CEP112: variants seen among roughly 807,000 people sequenced by gnomAD.
CEP112 encodes centrosomal protein 112.
Under a neutral mutation model 153.0 loss-of-function variants are expected in CEP112, and 127 were observed. The observed-to-expected ratio is 0.83, with a 90% CI of 0.72 to 0.96. CEP112 has a LOEUF of 0.96. Ranked by LOEUF, CEP112 falls within the 40% of genes least tolerant of loss-of-function variation. The pLI, the probability that CEP112 is intolerant of heterozygous loss-of-function variation, is 0.00. For missense variants in CEP112, 1,089 were observed against 1,101.2 expected (o/e 0.99, Z 0.16); for synonymous variants, 358 against 374.4 (o/e 0.96, Z 0.51).
At chr17:65,640,919 AGT>A (rs2045097159) in intron 25 of CEP112, 43 bp downstream of exon 25, 2 of 1,043,848 alleles carry the variant, frequency 1.9e-6, no homozygotes, top group Non-Finnish European at 3.0e-6. Context: ...TTCTTTTCAG[AGT>A]ATCCCCTAAA....
At chr17:65,645,422 C>A in intron 24 of CEP112, among the ~76,000 whole-genome samples, 1 of 152,064 alleles carries the variant, frequency 6.6e-6, no homozygotes, top group East Asian at 1.9e-4. Flanking sequence ...GTATAATAGC[C>A]TCTAGCCTAA....
intron 17 of CEP112, among the ~76,000 whole-genome samples, chr17:65,962,533 T>C (rs1258202018): frequency 6.6e-6 from 1 of 152,240 alleles, no homozygotes; most frequent in African/African-American, 2.4e-5. Context: ...TATAAATGCA[T>C]GCCATTTAAC....
At chr17:65,669,091 T>C (rs1211679816) in intron 24 of CEP112, among the ~76,000 whole-genome samples, 1 of 152,218 alleles carries the variant, frequency 6.6e-6, no homozygotes, top group Non-Finnish European at 1.5e-5. Flanking sequence ...AGTTCAGTTT[T>C]CGGCAGGTGG....
intron 24 of CEP112, among the ~76,000 whole-genome samples, chr17:65,659,430 C>T (rs537195381): frequency 2.6e-5 from 4 of 152,266 alleles, no homozygotes; most frequent in African/African-American, 9.6e-5. Context: ...GCATGTCTTG[C>T]CAGATATGGT....
intron 17 of CEP112, among the ~76,000 whole-genome samples, chr17:65,984,278 G>A (rs1281439800): frequency 1.3e-5 from 2 of 152,238 alleles, no homozygotes; most frequent in African/African-American, 2.4e-5. Context: ...AGGCAGTTGT[G>A]ACTTCTAATA....
At chr17:65,702,362 T>C (rs1163477812) in intron 23 of CEP112, among the ~76,000 whole-genome samples, 1 of 152,144 alleles carries the variant, frequency 6.6e-6, no homozygotes, top group South Asian at 2.1e-4. Context: ...CTTCCTAAAC[T>C]AGCTTCATGT....
intron 24 of CEP112, among the ~76,000 whole-genome samples, chr17:65,664,763 T>A (rs2046603112): frequency 6.6e-6 from 1 of 152,254 alleles, no homozygotes; most frequent in Non-Finnish European, 1.5e-5. Flanking sequence ...CTATCTCTGT[T>A]ACCTTTGGTT....
chr17:65,999,639 G>A (rs972316330), intron 17 of CEP112, among the ~76,000 whole-genome samples: 50 of 151,816 alleles, frequency 3.3e-4, no homozygotes, highest in Non-Finnish European at 8.8e-5. Context: ...GTGTCATGGG[G>A]TTTGTTGTAC....
intron 25 of CEP112, among the ~76,000 whole-genome samples, 169 bp from the exon 26 acceptor site, chr17:65,637,357 AT>A (rs1380619037): frequency 6.6e-6 from 1 of 152,242 alleles, no homozygotes; most frequent in Non-Finnish European, 1.5e-5. Flanking sequence ...TCCCATCCTT[AT>A]TGAAAATCCA....
chr17:65,725,755 A>G (rs183086536), intron 23 of CEP112, among the ~76,000 whole-genome samples: 1 of 152,120 alleles, frequency 6.6e-6, no homozygotes, highest in Admixed American at 6.5e-5. Flanking sequence ...AAAAACGGAA[A>G]CCCCTGATAA....
intron 24 of CEP112, among the ~76,000 whole-genome samples, chr17:65,642,061 A>G (rs1481955779): frequency 6.6e-6 from 1 of 152,232 alleles, no homozygotes; most frequent in Non-Finnish European, 1.5e-5. Flanking sequence ...GGTAGAAGAA[A>G]AGCCTTTGGA....
At chr17:65,721,844 TA>T (rs34180530) in intron 23 of CEP112, among the ~76,000 whole-genome samples, 4 of 149,742 alleles carry the variant, frequency 2.7e-5, no homozygotes, top group Non-Finnish European at 4.5e-5. Context: ...CTAGCATAAT[TA>T]AAAAAAAAAA....
At chr17:66,038,110 A>AAAAAGAAAAAAG (rs1555778648) in intron 12 of CEP112, among the ~76,000 whole-genome samples, 3 of 120,658 alleles carry the variant, frequency 2.5e-5, no homozygotes, top group African/African-American at 9.8e-5. Context: ...CAAAAAAAAA[A>AAAAAGAAAAAAG]AAAAGAAAAG....
intron 23 of CEP112, among the ~76,000 whole-genome samples, chr17:65,738,529 C>G (rs1273023376): frequency 6.6e-6 from 1 of 152,084 alleles, no homozygotes; most frequent in Non-Finnish European, 1.5e-5. Flanking sequence ...TGTTCTTTTT[C>G]CCTTATACAT....
intron 17 of CEP112, among the ~76,000 whole-genome samples, chr17:65,962,585 C>T (rs1251862444): frequency 1.3e-5 from 2 of 152,192 alleles, no homozygotes; most frequent in Non-Finnish European, 2.9e-5. Flanking sequence ...GGGTATTGTG[C>T]AATGGAATTT....
intron 21 of CEP112, among the ~76,000 whole-genome samples, chr17:65,751,934 TGC>T (rs1408053240): frequency 6.6e-6 from 1 of 152,082 alleles, no homozygotes; most frequent in African/African-American, 2.4e-5. Context: ...CACTGCGTCA[TGC>T]CTTGCAATAC....
At chr17:65,795,414 C>T (rs978597981) in intron 21 of CEP112, among the ~76,000 whole-genome samples, 2 of 152,180 alleles carry the variant, frequency 1.3e-5, no homozygotes, top group Non-Finnish European at 2.9e-5. Context: ...TGAGTTTAAG[C>T]AACTTGTCAA....
chr17:65,658,510 C>T (rs1161652815), intron 24 of CEP112, among the ~76,000 whole-genome samples: 1 of 152,194 alleles, frequency 6.6e-6, no homozygotes, highest in Non-Finnish European at 1.5e-5. Flanking sequence ...AGAGACAAGG[C>T]AATGGGTACA....
chr17:66,025,843 A>G (rs192870809), intron 16 of CEP112, among the ~76,000 whole-genome samples: 119 of 151,974 alleles, frequency 7.8e-4, no homozygotes, highest in African/African-American at 2.7e-3. Context: ...GGTTTCTCAC[A>G]GCATGATTCA....
Sources: gnomAD v4.1 joint callset for allele counts (sites outside exome capture counted in the v4.1 genomes callset) on GRCh38, gnomAD v4.1.1 for gene constraint, MANE v1.5 for transcripts, NCBI Gene and HGNC (gene_info 2026-07-23, HGNC 2026-07-21) for gene names.